The following CDC14B variants were observed in gnomAD, a reference collection of about 807,000 sequenced individuals.
The protein encoded by CDC14B is dual specificity protein phosphatase CDC14B.
CDC14B carries 22 observed loss-of-function variants against 64.2 expected under a neutral mutation model. The observed-to-expected ratio is 0.34, with a 90% CI of 0.24 to 0.49. The LOEUF (loss-of-function observed/expected upper bound fraction) is 0.49, where lower values mean the gene tolerates loss of function less well. Among genes scored for constraint, CDC14B ranks in the 20% least tolerant of loss-of-function variants. CDC14B has a pLI of 0.99. For synonymous variants in CDC14B, 191 were observed against 215.8 expected (o/e 0.89, Z 1.01); for missense variants, 498 against 629.9 (o/e 0.79, Z 2.24).
chr9:96,507,666 G>A (rs921091710), intron 13 of CDC14B, among the ~76,000 whole-genome samples: 5 of 151,866 alleles, frequency 3.3e-5, no homozygotes, highest in African/African-American at 4.8e-5. Flanking sequence ...TACCTGCCTC[G>A]GCCTCCCAAA....
At chr9:96,556,661 C>G (rs898267955) in intron 4 of CDC14B, among the ~76,000 whole-genome samples, 1 of 151,992 alleles carries the variant, frequency 6.6e-6, no homozygotes, top group African/African-American at 2.4e-5. Context: ...GTAGCAAACA[C>G]GTATCTACCA....
chr9:96,593,964 A>T (rs1845920131), intron 1 of CDC14B, among the ~76,000 whole-genome samples: 1 of 152,228 alleles, frequency 6.6e-6, no homozygotes, highest in Non-Finnish European at 1.5e-5. Context: ...AAATATTTAG[A>T]CGTAAGAAAA....
chr9:96,494,706 TTTCTTTC>T (rs1189415880), intron 13 of CDC14B, among the ~76,000 whole-genome samples: 1 of 151,876 alleles, frequency 6.6e-6, no homozygotes, highest in Admixed American at 6.6e-5. Context: ...CTTTTCTTTC[TTTCTTTC>T]TTCCTTTCCT....
Position 96,501,551 on chromosome 9 carries a change from C to G in CDC14B, c.*2202G>C, listed in dbSNP as rs531158015. Reference sequence around the variant, plus strand: ...AGAGACAGTCCTCATAAGTGTAACACTGCCCTTGCTATGCACACCATCCCA... The same window carrying G: ...AGAGACAGTCCTCATAAGTGTAACAGTGCCCTTGCTATGCACACCATCCCA... On this transcript the variant is annotated 3_prime_UTR_variant, in exon 14 of 14. Coordinates refer to ENST00000375241, the MANE Select transcript of CDC14B (RefSeq NM_033331.4). The G allele has an allele frequency of 3.7e-4, 57 of 152,642 alleles. No homozygotes were observed. The highest frequency in any genetic ancestry group is 1.2e-3 in the African/African-American group (51 of 41,576). The allele number at this position is 152,642 out of a possible 1,614,324, so 9.5% of individuals were successfully genotyped here.
At chr9:96,499,614 CCT>C (rs1444544719), downstream of CDC14B, among the ~76,000 whole-genome samples, 2 of 152,188 alleles carry the variant, frequency 1.3e-5, no homozygotes, top group African/African-American at 4.8e-5. Flanking sequence ...GCAGGAGCCC[CCT>C]GTCACTCACC....
intron 13 of CDC14B, among the ~76,000 whole-genome samples, chr9:96,504,698 C>A (rs910266696): frequency 1.3e-5 from 2 of 152,162 alleles, no homozygotes; most frequent in African/African-American, 4.8e-5. Context: ...GAGATAATGG[C>A]AGTAGCCAAA....
Position 96,509,752 on chromosome 9 carries a change from A to G in CDC14B, c.1381T>C (p.Ser461Pro), listed in dbSNP as rs150575212. The change falls in exon 13 of 14, where the codon TCT becomes CCT. Residue 461 changes from serine (S) to proline (P), a missense_variant. By Grantham distance (74) the Ser-to-Pro change is moderately conservative. Transcript: ENST00000375241. Reference protein sequence around the residue: ...LQSSVQSCKTSEPNISGSAGI... With the variant: ...LQSSVQSCKTPEPNISGSAGI... Reference sequence around the variant, plus strand: ...GCACTGCCAGAAATGTTAGGTTCAGATGTTTTACAGCTCTGAACACTGGAT... The same window carrying G: ...GCACTGCCAGAAATGTTAGGTTCAGGTGTTTTACAGCTCTGAACACTGGAT... The G allele has an allele frequency of 1.6e-4, 253 of 1,612,506 alleles. No individual in the cohort carries two copies. In the African/African-American group the frequency reaches 2.9e-3, roughly 18 times the overall value.
chr9:96,495,498 C>T (rs561984591), downstream of CDC14B, among the ~76,000 whole-genome samples: 20 of 149,800 alleles, frequency 1.3e-4, no homozygotes, highest in African/African-American at 4.9e-4. Flanking sequence ...ACTGTACTGG[C>T]GGCCCACATG....
chr9:96,566,829 T>G (rs1219206414), intron 1 of CDC14B: 1 of 1,602,756 alleles, frequency 6.2e-7, no homozygotes, highest in Non-Finnish European at 8.5e-7. Context: ...CTCCAAAGCA[T>G]CTGGAAGGCG....
intron 1 of CDC14B, among the ~76,000 whole-genome samples, chr9:96,607,961 C>G (rs1232553521): frequency 1.3e-5 from 2 of 152,138 alleles, no homozygotes; most frequent in Non-Finnish European, 2.9e-5. Flanking sequence ...AATAGAAAAC[C>G]TTTAAAACCT....
Position 96,494,213 on chromosome 9 carries a change from A to G in CDC14B, c.*81-961T>C, listed in dbSNP as rs1833159890. On this transcript the variant is annotated intron_variant and NMD_transcript_variant, in intron 13 of 13. Coordinates refer to the CDC14B transcript ENST00000474602. Reference sequence around the variant, plus strand: ...AGTCCCTGAGCCCCACATCCTTTCTACACACTCCTGAAATTTCCAGTGAAA... The same window carrying G: ...AGTCCCTGAGCCCCACATCCTTTCTGCACACTCCTGAAATTTCCAGTGAAA... Among the ~76,000 whole-genome samples the G allele has an allele frequency of 3.3e-5, 5 of 152,192 alleles. No homozygotes were observed. The South Asian group carries it at 1.0e-3, about 31-fold the overall frequency.
chr9:96,508,759 C>A (rs1834522204), intron 13 of CDC14B, among the ~76,000 whole-genome samples: 1 of 152,200 alleles, frequency 6.6e-6, no homozygotes, highest in African/African-American at 2.4e-5. Context: ...CTGCCAAGGT[C>A]TCTTGGGAGA....
intron 1 of CDC14B, chr9:96,566,719 A>C: frequency 6.4e-7 from 1 of 1,563,186 alleles, no homozygotes. Flanking sequence ...GCCCTGTCCC[A>C]GCGCGGGTGC....
chr9:96,538,116 T>C (rs1338911713), intron 7 of CDC14B, among the ~76,000 whole-genome samples: 1 of 152,234 alleles, frequency 6.6e-6, no homozygotes, highest in East Asian at 1.9e-4. Flanking sequence ...AAAACAAAGA[T>C]ATTTTCCAGA....
At chr9:96,513,649 C>T (rs559385406) in intron 12 of CDC14B, among the ~76,000 whole-genome samples, 1 of 152,150 alleles carries the variant, frequency 6.6e-6, no homozygotes, top group African/African-American at 2.4e-5. Flanking sequence ...AGCCAGGTCT[C>T]GAACATAAAT....
intron 2 of CDC14B, 58 bp from the exon 3 acceptor site, chr9:96,564,910 C>T (rs1587990900): frequency 5.2e-6 from 6 of 1,147,054 alleles, no homozygotes; most frequent in East Asian, 5.1e-5. Flanking sequence ...AATATAAATG[C>T]CTTTTTTGGG....
chr9:96,618,352 CA>C (rs1847768647), intron 1 of CDC14B: 2 of 384,148 alleles, frequency 5.2e-6, no homozygotes, highest in South Asian at 3.8e-5. Flanking sequence ...ACAGCGTTGC[CA>C]CATACATCAT....
At chr9:96,590,649 G>GT (rs1845732967) in intron 1 of CDC14B, among the ~76,000 whole-genome samples, 1 of 146,732 alleles carries the variant, frequency 6.8e-6, no homozygotes, top group African/African-American at 2.7e-5. Context: ...TTTATTTCCT[G>GT]GTTTTTTTTT....
intron 2 of CDC14B, 145 bp downstream of exon 2, chr9:96,565,248 T>C: frequency 1.7e-6 from 1 of 580,688 alleles, no homozygotes. Flanking sequence ...CTCTAAAGGT[T>C]TATTTTATTA....
Sources: gnomAD v4.1 joint callset for allele counts (sites outside exome capture counted in the v4.1 genomes callset) on GRCh38, gnomAD v4.1.1 for gene constraint, MANE v1.5 for transcripts, NCBI Gene and HGNC (gene_info 2026-07-23, HGNC 2026-07-21) for gene names.